The following OR4E1 variants were observed in gnomAD, a reference collection of about 807,000 sequenced individuals.
OR4E1 encodes olfactory receptor 4E1.
chr14:21,668,678 C>G lies in OR4E1; in HGVS notation c.*1310G>C, dbSNP rs1880768559. On this transcript the variant is annotated 3_prime_UTR_variant, in exon 2 of 2. Transcript: ENST00000641792. ...GGTTTATAGACAATGGTTTATCCAACTTGGTGTTTTCTACCAAGTTTCTAC... is the reference window on the plus strand; with the variant it reads ...GGTTTATAGACAATGGTTTATCCAAGTTGGTGTTTTCTACCAAGTTTCTAC... 1 of 152,180 alleles carries G rather than the reference C, an allele frequency of 6.6e-6. No individual in the cohort carries two copies. The highest frequency in any genetic ancestry group is 1.9e-4 in the East Asian group (1 of 5,198). The allele number at this position is 152,180 out of a possible 1,614,324, so 9.4% of individuals were successfully genotyped here. A position where few individuals can be genotyped will look rare whatever the true frequency, so the allele number is the denominator to read the frequency against.
Position 21,670,085 on chromosome 14 carries a change from G to C in OR4E1, c.851C>G (p.Pro284Arg). The part of the protein sequence containing the change: ...VVSVFFTAVT[P>R]LLNPIIYTLR... ...GGTATAGATAATGGGGTTCAGCAGG[G>C]GGGTGACTGCAGTGAAAAACACAGA... is the stretch of plus-strand genomic sequence containing the variant. The change falls in exon 2 of 2, where the codon CCC becomes CGC. Residue 284 changes from proline (P) to arginine (R), a missense_variant. Pro to Arg is a moderately radical substitution (Grantham distance 103). Coordinates refer to ENST00000641792, the MANE Select transcript of OR4E1 (RefSeq NM_001317107.2). 2.5e-6 allele frequency: 1 copy of C among 398,642 alleles called. No individual in the cohort carries two copies. Among genetic ancestry groups the C allele is most frequent in the Non-Finnish European group, 4.4e-6 (1 of 226,190 alleles). The allele number at this position is 398,642 out of a possible 1,614,324, so 24.7% of individuals were successfully genotyped here.
chr14:21,671,066 A>G (rs935933357), intron 1 of OR4E1, 114 bp from the exon 2 acceptor site: 13 of 396,976 alleles, frequency 3.3e-5, no homozygotes, highest in Middle Eastern at 6.2e-4. Context: ...TTATGGTAAA[A>G]TATCTTGCAT....
Position 21,670,020 on chromosome 14 carries a change from C to T in OR4E1, c.916G>A (p.Val306Met). 5.0e-6 allele frequency: 2 copies of T among 398,634 alleles called. No individual in the cohort carries two copies. The highest frequency in any genetic ancestry group is 8.8e-6 in the Non-Finnish European group (2 of 226,092). 24.7% of individuals were successfully genotyped at this position (398,634 alleles called of 1,614,324 possible). The change falls in exon 2 of 2, where the codon GTG becomes ATG. Residue 306 changes from valine (V) to methionine (M), a missense_variant. Physicochemically the swap from Val to Met is conservative, Grantham distance 21. Coordinates refer to ENST00000641792, the MANE Select transcript of OR4E1 (RefSeq NM_001317107.2). Reference sequence around the variant, plus strand: ...TCTTCTTTTCTCTCTTTTCTCCCCACTAACTTGTTTAAGGCACTCTTCATT... The same window carrying T: ...TCTTCTTTTCTCTCTTTTCTCCCCATTAACTTGTTTAAGGCACTCTTCATT... ...EEMKSALNKL[V>M]GRKERKEEK is the part of the protein sequence containing the mutation.
intron 1 of OR4E1, among the ~76,000 whole-genome samples, chr14:21,672,337 G>A (rs1487011567): frequency 6.6e-6 from 1 of 152,174 alleles, no homozygotes; most frequent in Non-Finnish European, 1.5e-5. Flanking sequence ...GCAGACTAAT[G>A]AGTCAACCCC....
rs931592057 is a variant in OR4E1 at position 21,670,523 on chromosome 14, A to G, written c.413T>C (p.Ile138Thr). ...VAICKPLQYM[I>T]VMNWKVCVLL... ...CACACATACCTTCCAGTTCATCACT[A>G]TCATGTACTGCAGGGGTTTACAGAT... The change falls in exon 2 of 2, where the codon ATA (isoleucine) becomes ACA (threonine). Residue 138 changes from isoleucine (I) to threonine (T), a missense_variant. By Grantham distance (89) the Ile-to-Thr change is moderately conservative. Coordinates refer to ENST00000641792, the MANE Select transcript of OR4E1 (RefSeq NM_001317107.2). The G allele has an allele frequency of 5.0e-6, 2 of 400,218 alleles. No individual in the cohort carries two copies. Among genetic ancestry groups the G allele is most frequent in the African/African-American group, 4.1e-5 (2 of 48,648 alleles). The allele number at this position is 400,218 out of a possible 1,614,324, so 24.8% of individuals were successfully genotyped here.
rs935562215 is a variant in OR4E1, at chr14:21,669,846, A to G, written c.*142T>C. 17 of 392,898 alleles carry G rather than the reference A, an allele frequency of 4.3e-5. No homozygotes were observed. Among genetic ancestry groups the G allele is most frequent in the African/African-American group, 3.1e-4 (15 of 48,504 alleles). 24.3% of individuals were successfully genotyped at this position (392,898 alleles called of 1,614,324 possible). A position where few individuals can be genotyped will look rare whatever the true frequency, so the allele number is the denominator to read the frequency against. On this transcript the variant is annotated 3_prime_UTR_variant, in exon 2 of 2. Coordinates refer to ENST00000641792, the MANE Select transcript of OR4E1 (RefSeq NM_001317107.2). ...CAGCACAGAGAAGATATTAATAACC[A>G]TAACGATTGCTATGACTGTCAGATA...
rs770363342 is a variant in OR4E1, at chr14:21,668,126, T to G, written c.*1862A>C. The G allele has an allele frequency of 6.6e-6, 1 of 152,594 alleles. No individual in the cohort carries two copies. Among genetic ancestry groups the G allele is most frequent in the African/African-American group, 2.4e-5 (1 of 41,442 alleles). 9.5% of individuals were successfully genotyped at this position (152,594 alleles called of 1,614,324 possible). On this transcript the variant is annotated 3_prime_UTR_variant, in exon 2 of 2. Coordinates refer to ENST00000641792, the MANE Select transcript of OR4E1 (RefSeq NM_001317107.2). The stretch of plus-strand genomic sequence containing the variant: ...CAAACATCACAACGTTGTTCCGTTA[T>G]AGTTTTACCAGCTACAATCTTAATG...
Position 21,670,111 on chromosome 14 carries a change from T to C in OR4E1, c.825A>G (p.Val275=), listed in dbSNP as rs1014600368. 1.5e-5 allele frequency: 6 copies of C among 398,734 alleles called. No individual in the cohort carries two copies. Among genetic ancestry groups the C allele is most frequent in the Non-Finnish European group, 2.7e-5 (6 of 226,356 alleles). The allele number at this position is 398,734 out of a possible 1,614,324, so 24.7% of individuals were successfully genotyped here. ...GGGTGACTGCAGTGAAAAACACAGA[T>C]ACTACCTTGTCCTCTGGGAGGCTGG... is the stretch of plus-strand genomic sequence containing the variant. ...PSTSLPEDKV[V]SVFFTAVTPL... is the part of the protein sequence containing the mutation. The change falls in exon 2 of 2, where the codon GTA becomes GTG. Residue 275 remains valine, a synonymous_variant. Coordinates refer to ENST00000641792, the MANE Select transcript of OR4E1 (RefSeq NM_001317107.2).
chr14:21,673,540 C>G lies in OR4E1; in HGVS notation c.-468G>C, dbSNP rs1021680299. On this transcript the variant is annotated 5_prime_UTR_variant, in exon 1 of 2. Transcript: ENST00000641792. The stretch of plus-strand genomic sequence containing the variant: ...ATTTCTTGAACCCAGGAGGTCAAGG[C>G]TGCAGTGAGCCGTGATTTTACCACT... 1.5e-4 allele frequency: 21 copies of G among 142,298 alleles called. No homozygotes were observed. The highest frequency in any genetic ancestry group is 5.6e-4 in the African/African-American group (21 of 37,698). The allele number at this position is 142,298 out of a possible 1,614,324, so 8.8% of individuals were successfully genotyped here.
At position 21,669,414 on chromosome 14, in the gene OR4E1, C is replaced by T. The variant is rs1318596492; in HGVS notation, c.*574G>A. The T allele has an allele frequency of 6.6e-6, 1 of 152,188 alleles. No homozygotes were observed. The highest frequency in any genetic ancestry group is 1.5e-5 in the Non-Finnish European group (1 of 68,036). The allele number at this position is 152,188 out of a possible 1,614,324, so 9.4% of individuals were successfully genotyped here. ...TCTGATGGCAGATTTTGCCTGGATA[C>T]TTGAGAGTGTCAGTAACTTCACCTG... On this transcript the variant is annotated 3_prime_UTR_variant, in exon 2 of 2. Coordinates refer to ENST00000641792, the MANE Select transcript of OR4E1 (RefSeq NM_001317107.2).
chr14:21,672,480 G>A (rs1009867238), intron 1 of OR4E1, among the ~76,000 whole-genome samples: 6 of 152,200 alleles, frequency 3.9e-5, no homozygotes, highest in African/African-American at 1.4e-4. Context: ...TGTAGCTATT[G>A]ATTGATTTTA....
In OR4E1 at chr14:21,670,507, C is replaced by G. The variant is rs1880881211; in HGVS notation, c.429G>C (p.Lys143Asn). 1 of 399,986 alleles carries G rather than the reference C, an allele frequency of 2.5e-6. No individual in the cohort carries two copies. Among genetic ancestry groups the G allele is most frequent in the East Asian group, 3.6e-5 (1 of 28,084 alleles). 24.8% of individuals were successfully genotyped at this position (399,986 alleles called of 1,614,324 possible). A position where few individuals can be genotyped will look rare whatever the true frequency, so the allele number is the denominator to read the frequency against. ...GGGCCACAGCCAGCAGCACACATACCTTCCAGTTCATCACTATCATGTACT... is the reference window on the plus strand; with the variant it reads ...GGGCCACAGCCAGCAGCACACATACGTTCCAGTTCATCACTATCATGTACT... ...PLQYMIVMNW[K>N]VCVLLAVALW... The change falls in exon 2 of 2, where the codon AAG becomes AAC. Residue 143 changes from lysine to asparagine, a missense_variant. Physicochemically the swap from Lys to Asn is moderately conservative, Grantham distance 94 (BLOSUM62 0). Coordinates refer to ENST00000641792, the MANE Select transcript of OR4E1 (RefSeq NM_001317107.2).
chr14:21,669,825 A>T lies in OR4E1; in HGVS notation c.*163T>A, dbSNP rs1880834438. The T allele has an allele frequency of 2.6e-6, 1 of 385,176 alleles. No homozygotes were observed. The highest frequency in any genetic ancestry group is 4.6e-6 in the Non-Finnish European group (1 of 218,076). 23.9% of individuals were successfully genotyped at this position (385,176 alleles called of 1,614,324 possible). On this transcript the variant is annotated 3_prime_UTR_variant, in exon 2 of 2. Coordinates refer to ENST00000641792, the MANE Select transcript of OR4E1 (RefSeq NM_001317107.2). ...CACAGTGCCTAGAATAATTTCCAGC[A>T]CAGAGAAGATATTAATAACCATAAC...
intron 1 of OR4E1, among the ~76,000 whole-genome samples, chr14:21,672,676 G>A (rs972681787): frequency 5.9e-5 from 9 of 152,124 alleles, no homozygotes; most frequent in African/African-American, 2.2e-4. Flanking sequence ...AGGGTGTGCA[G>A]ACCAAGAACT....
At chr14:21,671,575 G>A (rs1176834881) in intron 1 of OR4E1, among the ~76,000 whole-genome samples, 1 of 152,044 alleles carries the variant, frequency 6.6e-6, no homozygotes, top group African/African-American at 2.4e-5. Flanking sequence ...ATAAAACCCT[G>A]GAAGCCTTGG....
intron 1 of OR4E1, among the ~76,000 whole-genome samples, chr14:21,671,620 G>A (rs1423613456): frequency 6.6e-6 from 1 of 152,126 alleles, no homozygotes; most frequent in East Asian, 1.9e-4. Context: ...CCACCCCTCA[G>A]CTGAGGGCAG....
rs1428857444 is a variant in OR4E1, at chr14:21,668,734, T to A, written c.*1254A>T. 1 of 152,222 alleles carries A rather than the reference T, an allele frequency of 6.6e-6. No homozygotes were observed. Among genetic ancestry groups the A allele is most frequent in the African/African-American group, 2.4e-5 (1 of 41,460 alleles). The allele number at this position is 152,222 out of a possible 1,614,324, so 9.4% of individuals were successfully genotyped here. On this transcript the variant is annotated 3_prime_UTR_variant, in exon 2 of 2. Transcript: ENST00000641792. Reference sequence around the variant, plus strand: ...TGTTTTCTAAGTATTTATGACTAAGTACTTAACAGTCATCCATTGCTCTAA... The same window carrying A: ...TGTTTTCTAAGTATTTATGACTAAGAACTTAACAGTCATCCATTGCTCTAA...
Position 21,669,101 on chromosome 14 carries a change from T to G in OR4E1, c.*887A>C, listed in dbSNP as rs1880791419. The G allele has an allele frequency of 6.6e-6, 1 of 152,216 alleles. No homozygotes were observed. The highest frequency in any genetic ancestry group is 2.1e-4 in the South Asian group (1 of 4,832). 9.4% of individuals were successfully genotyped at this position (152,216 alleles called of 1,614,324 possible). ...ATCACCTCTCTTATGGCTGGCTCCT[T>G]TTAATCTTAAATGTAACTTCCTCAG... On this transcript the variant is annotated 3_prime_UTR_variant, in exon 2 of 2. Coordinates refer to ENST00000641792, the MANE Select transcript of OR4E1 (RefSeq NM_001317107.2).
At chr14:21,671,125 T>C (rs1880923028) in intron 1 of OR4E1, among the ~76,000 whole-genome samples, 173 bp from the exon 2 acceptor site, 1 of 152,218 alleles carries the variant, frequency 6.6e-6, no homozygotes, top group Admixed American at 6.5e-5. Context: ...ACACCCATAG[T>C]AGGTACTTAA....
Sources: gnomAD v4.1 joint callset for allele counts (sites outside exome capture counted in the v4.1 genomes callset) on GRCh38, gnomAD v4.1.1 for gene constraint, MANE v1.5 for transcripts, NCBI Gene and HGNC (gene_info 2026-07-23, HGNC 2026-07-21) for gene names.